The following CLEC12B variants were observed in gnomAD, a reference collection of about 807,000 sequenced individuals.
The protein encoded by CLEC12B is macrophage antigen h.
Under a neutral mutation model 36.1 loss-of-function variants are expected in CLEC12B, and 25 were observed. That is an observed-to-expected ratio of 0.69 (90% confidence interval 0.50 to 0.97). The LOEUF is 0.97. Ranked by LOEUF, CLEC12B falls within the 50% of genes least tolerant of loss-of-function variation. CLEC12B has a pLI of 0.00. For missense variants in CLEC12B, 325 were observed against 318.4 expected, an observed-to-expected ratio of 1.02 and a Z score of -0.16; for synonymous variants, 110 against 108.5, an observed-to-expected ratio of 1.01 and a Z score of -0.09.
chr12:10,013,173 C>T (rs1396668381), intron 2 of CLEC12B: 3 of 384,788 alleles, frequency 7.8e-6, no homozygotes, highest in African/African-American at 6.4e-5. Context: ...TGCCTAGACA[C>T]ACATTCACTT....
At chr12:10,009,268 A>T (rs897344908), upstream of CLEC12B, among the ~76,000 whole-genome samples, 6 of 151,772 alleles carry the variant, frequency 4.0e-5, no homozygotes, top group Admixed American at 1.3e-4. Context: ...TGTAACCCTC[A>T]CCGCAAAGGT....
At chr12:10,010,957 C>T in intron 1 of CLEC12B, 107 bp downstream of exon 1, 1 of 655,678 alleles carries the variant, frequency 1.5e-6, no homozygotes, top group Non-Finnish European at 2.6e-6. Flanking sequence ...GCTGTGAAAT[C>T]TCCAAAATGG....
intron 5 of CLEC12B, chr12:10,016,417 T>G (rs902149589): frequency 2.6e-5 from 4 of 156,048 alleles, no homozygotes; most frequent in Admixed American, 1.3e-4. Context: ...TTCAATTTTT[T>G]TAACTATTTA....
chr12:10,007,362 T>C, upstream of CLEC12B, among the ~76,000 whole-genome samples: 1 of 152,204 alleles, frequency 6.6e-6, no homozygotes, highest in South Asian at 2.1e-4. Flanking sequence ...TTGAAATCTT[T>C]AAGGAGATAG....
At chr12:10,009,092 AG>A (rs1020773938), upstream of CLEC12B, among the ~76,000 whole-genome samples, 3 of 152,254 alleles carry the variant, frequency 2.0e-5, no homozygotes, top group African/African-American at 7.2e-5. Flanking sequence ...CTGATACGAC[AG>A]AAACGGAACA....
chr12:10,009,902 C>A (rs1253433728), upstream of CLEC12B, among the ~76,000 whole-genome samples: 2 of 152,126 alleles, frequency 1.3e-5, no homozygotes, highest in Non-Finnish European at 2.9e-5. Flanking sequence ...GCTCCCCCCC[C>A]ATATTTTCCT....
chr12:10,013,715 A>T (rs988221385), intron 2 of CLEC12B, among the ~76,000 whole-genome samples: 2 of 152,082 alleles, frequency 1.3e-5, no homozygotes, highest in African/African-American at 2.4e-5. Context: ...TTAATGGATA[A>T]TTTTTTAGGA....
upstream of CLEC12B, among the ~76,000 whole-genome samples, chr12:10,010,431 C>A (rs376537525): frequency 6.6e-6 from 1 of 152,216 alleles, no homozygotes; most frequent in African/African-American, 2.4e-5. Context: ...TCCTCTACCC[C>A]GAGGATCATG....
Position 10,014,671 on chromosome 12 carries a change from C to A in CLEC12B, c.339C>A (p.Ile113=). ...SMEEEFLKSQ[I]SSVLKRQEQM... The stretch of plus-strand genomic sequence containing the variant: ...AGGAGGAATTTCTCAAGTCACAGAT[C>A]TCCAGTGTACTGAAGAGGCAGGAAC... Residue 113 remains isoleucine, a synonymous_variant, in exon 3 of 6, where the codon ATC becomes ATA. Transcript: ENST00000338896. 1 of 1,613,684 alleles carries A rather than the reference C, an allele frequency of 6.2e-7. No individual in the cohort carries two copies. Among genetic ancestry groups the A allele is most frequent in the Non-Finnish European group, 8.5e-7 (1 of 1,179,656 alleles).
chr12:10,009,518 G>T (rs1218609089), upstream of CLEC12B, among the ~76,000 whole-genome samples: 1 of 148,610 alleles, frequency 6.7e-6, no homozygotes, highest in Non-Finnish European at 1.5e-5. Context: ...ATTGATATAT[G>T]ACTTAGAGCC....
chr12:10,012,248 C>A (rs773880842), intron 1 of CLEC12B, among the ~76,000 whole-genome samples: 11 of 152,146 alleles, frequency 7.2e-5, no homozygotes, highest in Non-Finnish European at 1.3e-4. Flanking sequence ...CTTATAGAGA[C>A]TTTTGAGCTC....
In CLEC12B at chr12:10,017,620, C is replaced by T. The variant is rs547424283; in HGVS notation, c.681-711C>T. 699 of 985,958 alleles carry T rather than the reference C, an allele frequency of 7.1e-4. 1 individual carries two copies. The highest frequency in any genetic ancestry group is 7.9e-4 in the Non-Finnish European group (659 of 829,920). 61.1% of individuals were successfully genotyped at this position (985,958 alleles called of 1,614,324 possible). A position where few individuals can be genotyped will look rare whatever the true frequency, so the allele number is the denominator to read the frequency against. Reference sequence around the variant, plus strand: ...CCAGATTGCATAGCCATTTCCTTGACTACTGAGTAAAGGCCAAGGCTAAGA... The same window carrying T: ...CCAGATTGCATAGCCATTTCCTTGATTACTGAGTAAAGGCCAAGGCTAAGA... On this transcript the variant is annotated intron_variant, in intron 5 of 5. Coordinates refer to ENST00000338896, the MANE Select transcript of CLEC12B (RefSeq NM_001129998.3).
At chr12:10,013,234 G>A (rs1423768537) in intron 2 of CLEC12B, 1 of 269,430 alleles carries the variant, frequency 3.7e-6, no homozygotes, top group African/African-American at 2.3e-5. Flanking sequence ...TGAAGGAAGT[G>A]CTTGCTATTT....
intron 1 of CLEC12B, 22 bp downstream of exon 1, chr12:10,010,872 G>C: frequency 1.3e-6 from 2 of 1,528,712 alleles, no homozygotes; most frequent in Non-Finnish European, 1.8e-6. Context: ...GAGAAGACCA[G>C]CTGTGTCCTT....
At position 10,014,721 on chromosome 12, in the gene CLEC12B, A is replaced by G. The variant is rs768899548; in HGVS notation, c.389A>G (p.Glu130Gly). ...QEQMAIKLCQ[E>G]LIIHTSDHRC... is the part of the protein sequence containing the mutation. ...CAAATGGCCATCAAACTGTGCCAAG[A>G]GCTAATCATTCATACTTCAGGTAAT... Residue 130 changes from glutamate (E) to glycine (G), a missense_variant, in exon 3 of 6, where the codon GAG (glutamate) becomes GGG (glycine). Coordinates refer to ENST00000338896, the MANE Select transcript of CLEC12B (RefSeq NM_001129998.3). The G allele has an allele frequency of 1.2e-6, 2 of 1,612,922 alleles. No homozygotes were observed. The highest frequency in any genetic ancestry group is 1.7e-6 in the Non-Finnish European group (2 of 1,179,068).
chr12:10,014,459 G>A lies in CLEC12B; in HGVS notation c.191-64G>A, dbSNP rs566200429. ...AACAATTAAGAAATGTTTCTGTCACGAGAATTATCTACAGTTATAAGAATA... is the reference window on the plus strand; with the variant it reads ...AACAATTAAGAAATGTTTCTGTCACAAGAATTATCTACAGTTATAAGAATA... On this transcript the variant is annotated intron_variant, in intron 2 of 5. Coordinates refer to ENST00000338896, the MANE Select transcript of CLEC12B (RefSeq NM_001129998.3). The A allele has an allele frequency of 8.0e-5, 92 of 1,156,064 alleles. No individual in the cohort carries two copies. The Middle Eastern group carries it at 8.4e-4, about 10-fold the overall frequency. The allele number at this position is 1,156,064 out of a possible 1,614,324, so 71.6% of individuals were successfully genotyped here.
intron 2 of CLEC12B, 36 bp downstream of exon 2, chr12:10,012,919 T>C (rs745309477): frequency 7.0e-7 from 1 of 1,423,786 alleles, no homozygotes; most frequent in Admixed American, 1.7e-5. Flanking sequence ...CAAAGGCAAC[T>C]AGAAAACATA....
chr12:10,008,956 A>G (rs1865263253), upstream of CLEC12B, among the ~76,000 whole-genome samples: 1 of 152,204 alleles, frequency 6.6e-6, no homozygotes, highest in Admixed American at 6.5e-5. Flanking sequence ...TTCCTGTCTT[A>G]CAAGAGGATT....
chr12:10,014,039 T>C, intron 2 of CLEC12B, among the ~76,000 whole-genome samples: 1 of 152,204 alleles, frequency 6.6e-6, no homozygotes. Flanking sequence ...GAAAAGGGCA[T>C]ATTTCATGGA....
Sources: allele counts gnomAD v4.1 joint callset (sites outside exome capture counted in the v4.1 genomes callset), GRCh38; gene constraint gnomAD v4.1.1; transcripts MANE v1.5; gene names NCBI Gene and HGNC (gene_info 2026-07-23, HGNC 2026-07-21).